Variants in IGDCC4 observed in about 807,000 individuals in gnomAD.
IGDCC4 encodes immunoglobulin superfamily DCC subclass member 4.
IGDCC4 carries 72 observed loss-of-function variants against 116.6 expected under a neutral mutation model. That is an observed-to-expected ratio of 0.62 (90% CI 0.51 to 0.75). The LOEUF is 0.75. Ranked by LOEUF, IGDCC4 falls within the 30% of genes least tolerant of loss-of-function variation. IGDCC4 has a pLI of 0.00. For missense variants in IGDCC4, 1,501 were observed against 1,662.4 expected (o/e 0.90, Z 1.69); for synonymous variants, 709 against 719.9 (o/e 0.98, Z 0.24).
intron 5 of IGDCC4, among the ~76,000 whole-genome samples, chr15:65,400,083 C>G (rs1233780211): frequency 6.6e-6 from 1 of 152,204 alleles, no homozygotes; most frequent in African/African-American, 2.4e-5. Context: ...TCTGGCCCCT[C>G]CTCTCCCCAG....
Position 65,389,384 on chromosome 15 carries a change from G to A in IGDCC4, c.2436C>T (p.Gly812=). 6.2e-7 allele frequency: 1 copy of A among 1,614,202 alleles called. No individual in the cohort carries two copies. The highest frequency in any genetic ancestry group is 8.5e-7 in the Non-Finnish European group (1 of 1,180,022). Residue 812 remains glycine, a synonymous_variant, in exon 14 of 20, where the codon GGC becomes GGT. Coordinates refer to ENST00000352385, the MANE Select transcript of IGDCC4 (RefSeq NM_020962.3). ...ACTCGTATTTGGTGAATGGCTTCAAGCCGCCAATGAGGATGTCTTCTCCAG... is the reference window on the plus strand; with the variant it reads ...ACTCGTATTTGGTGAATGGCTTCAAACCGCCAATGAGGATGTCTTCTCCAG... ...TSSGEDILIG[G]LKPFTKYEFA...
At position 65,390,290 on chromosome 15, in the gene IGDCC4, G is replaced by T; in HGVS notation, c.2273C>A (p.Ala758Glu). 1 of 1,612,192 alleles carries T rather than the reference G, an allele frequency of 6.2e-7. No homozygotes were observed. ...GATGGATGTGGAGCTGTTTGATTCCGCATGGACGTGGGCTGGAGGCAGGGG... is the reference window on the plus strand; with the variant it reads ...GATGGATGTGGAGCTGTTTGATTCCTCATGGACGTGGGCTGGAGGCAGGGG... ...GPPLPPAHVHAESNSSTSIWL... is the reference protein window; with the variant it reads ...GPPLPPAHVHEESNSSTSIWL... Residue 758 changes from alanine to glutamate, a missense_variant, in exon 13 of 20, where the codon GCG becomes GAG. Ala to Glu is a moderately radical substitution (Grantham distance 107). Around this residue, in one of 3 missense-constraint regions of IGDCC4, gnomAD observed 235 missense variants for 328.0 expected, o/e 0.72. Coordinates refer to ENST00000352385, the MANE Select transcript of IGDCC4 (RefSeq NM_020962.3).
Position 65,390,177 on chromosome 15 carries a change from A to G in IGDCC4, c.2386T>C (p.Ser796Pro), listed in dbSNP as rs761352750. Residue 796 changes from serine (S) to proline (P), a missense_variant, in exon 13 of 20, where the codon TCC (serine) becomes CCC (proline). This residue lies in a region of IGDCC4 where 235 missense variants were observed against 328.0 expected (regional missense o/e 0.72). Coordinates refer to ENST00000352385, the MANE Select transcript of IGDCC4 (RefSeq NM_020962.3). ...CACCTGGTGTAATAGGTGACCAGGGAGGCATTCCTGAGCCCCCAGGGGCTG... is the reference window on the plus strand; with the variant it reads ...CACCTGGTGTAATAGGTGACCAGGGGGGCATTCCTGAGCCCCCAGGGGCTG... ...RFSPWGLRNASLVTYYTSSGE... is the reference protein window; with the variant it reads ...RFSPWGLRNAPLVTYYTSSGE... 1.3e-6 allele frequency: 2 copies of G among 1,592,176 alleles called. No homozygotes were observed.
chr15:65,396,958 G>A lies in IGDCC4; in HGVS notation c.873C>T (p.Val291=). ...CAATTAGTAGGTTGGTGCGGCCCAG[G>A]ACGATGACATCTGTGGAGATGGGCT... ...DGKPISTDVI[V]LGRTNLLIAN... The change falls in exon 6 of 20, where the codon GTC becomes GTT. Residue 291 remains valine, a synonymous_variant. Coordinates refer to ENST00000352385, the MANE Select transcript of IGDCC4 (RefSeq NM_020962.3). The A allele has an allele frequency of 6.3e-7, 1 of 1,580,370 alleles. No homozygotes were observed. Among genetic ancestry groups the A allele is most frequent in the Non-Finnish European group, 8.6e-7 (1 of 1,162,854 alleles).
At chr15:65,422,763 G>A in intron 1 of IGDCC4, 30 bp downstream of exon 1, 4 of 1,328,620 alleles carry the variant, frequency 3.0e-6, no homozygotes, top group Admixed American at 3.7e-5. Flanking sequence ...CTCCGCAGTC[G>A]CTCCTGCCTC....
chr15:65,392,459 C>T (rs546970441), intron 10 of IGDCC4, 89 bp from the exon 11 acceptor site: 10 of 1,022,590 alleles, frequency 9.8e-6, no homozygotes, highest in Non-Finnish European at 1.4e-5. Context: ...AGGGAAGAGG[C>T]ATGAGGAAGA....
In IGDCC4 at chr15:65,408,016, G is replaced by A. The variant is rs138788370; in HGVS notation, c.563+2162C>T. On this transcript the variant is annotated intron_variant, in intron 3 of 19. Transcript: ENST00000352385. ...ACTCCTGAGCTCAAGCGATCCGCCC[G>A]CCTTGGCTCCCAAAGTGTTGGGAGT... is the stretch of plus-strand genomic sequence containing the variant. Among the ~76,000 whole-genome samples the A allele has an allele frequency of 6.7e-3, 1,014 of 151,714 alleles. 11 individuals are homozygous for A. Among genetic ancestry groups the A allele is most frequent in the African/African-American group, 0.023 (967 of 41,344 alleles).
chr15:65,394,951 G>T, intron 8 of IGDCC4, 143 bp downstream of exon 8: 2 of 909,024 alleles, frequency 2.2e-6, no homozygotes, highest in Non-Finnish European at 3.2e-6. Context: ...CTGAGGAGAA[G>T]AACCCCGCCC....
chr15:65,408,765 A>G (rs1216593194), intron 3 of IGDCC4, among the ~76,000 whole-genome samples: 3 of 151,764 alleles, frequency 2.0e-5, no homozygotes, highest in Non-Finnish European at 4.4e-5. Context: ...GAAGGAGAAT[A>G]GACTGGGTGA....
chr15:65,408,667 A>G (rs924748042), intron 3 of IGDCC4, among the ~76,000 whole-genome samples: 2 of 152,220 alleles, frequency 1.3e-5, no homozygotes, highest in Non-Finnish European at 2.9e-5. Flanking sequence ...AAGCATTTAA[A>G]GGGACTAACA....
intron 1 of IGDCC4, among the ~76,000 whole-genome samples, chr15:65,421,966 G>C (rs941541085): frequency 2.0e-5 from 3 of 152,014 alleles, no homozygotes; most frequent in South Asian, 4.1e-4. Flanking sequence ...CTCCGCACTG[G>C]GCTGCGGACT....
At chr15:65,388,411 G>A in intron 16 of IGDCC4, 38 bp downstream of exon 16, 2 of 1,612,748 alleles carry the variant, frequency 1.2e-6, no homozygotes, top group East Asian at 2.2e-5. Flanking sequence ...GGGCTTGGAA[G>A]TCAATCCAGG....
At chr15:65,396,256 CCCTCGCTCCCCT>C in intron 6 of IGDCC4, 93 bp from the exon 7 acceptor site, 1 of 1,307,068 alleles carries the variant, frequency 7.7e-7, no homozygotes, top group Non-Finnish European at 1.0e-6. Flanking sequence ...CCACCGCCCT[CCCTCGCTCCCCT>C]TCCAATCACT....
chr15:65,422,737 C>A (rs1347917849), intron 1 of IGDCC4, 56 bp downstream of exon 1: 1 of 1,274,100 alleles, frequency 7.8e-7, no homozygotes, highest in South Asian at 1.9e-5. Context: ...CAGACCAGGG[C>A]GCGGGCGCAC....
Position 65,389,352 on chromosome 15 carries a change from A to G in IGDCC4, c.2468T>C (p.Val823Ala), listed in dbSNP as rs2091491218. The G allele has an allele frequency of 6.2e-7, 1 of 1,614,192 alleles. No individual in the cohort carries two copies. Among genetic ancestry groups the G allele is most frequent in the Non-Finnish European group, 8.5e-7 (1 of 1,180,030 alleles). Residue 823 changes from valine to alanine, a missense_variant, in exon 14 of 20, where the codon GTG (valine) becomes GCG (alanine). Transcript: ENST00000352385. Reference protein sequence around the residue: ...LKPFTKYEFAVQSHGVDMDGP... With the variant: ...LKPFTKYEFAAQSHGVDMDGP... ...ATCCATGTCCACGCCGTGAGACTGC[A>G]CTGCAAACTCGTATTTGGTGAATGG...
intron 4 of IGDCC4, 134 bp downstream of exon 4, chr15:65,402,217 C>A: frequency 9.4e-7 from 1 of 1,068,482 alleles, no homozygotes; most frequent in African/African-American, 1.6e-5. Context: ...TGGGCTTCAT[C>A]GCCTCACCAG....
intron 1 of IGDCC4, among the ~76,000 whole-genome samples, chr15:65,413,651 C>A (rs2063118292): frequency 6.6e-6 from 1 of 152,234 alleles, no homozygotes. Flanking sequence ...TATAAAAGCT[C>A]AATGGCCCAA....
Position 65,400,958 on chromosome 15 carries a change from A to G in IGDCC4, c.701-12T>C, listed in dbSNP as rs780732790. On this transcript the variant is annotated splice_polypyrimidine_tract_variant and intron_variant, in intron 4 of 19. Coordinates refer to ENST00000352385, the MANE Select transcript of IGDCC4 (RefSeq NM_020962.3). ...GGACGCCAGGGACCCTGGCGAGAAG[A>G]CAGACCAGCAGGCAGCCTTACCATT... The G allele has an allele frequency of 6.2e-7, 1 of 1,614,030 alleles. No individual in the cohort carries two copies. The highest frequency in any genetic ancestry group is 8.5e-7 in the Non-Finnish European group (1 of 1,180,010).
At chr15:65,406,272 T>C (rs570995506) in intron 3 of IGDCC4, among the ~76,000 whole-genome samples, 1 of 152,370 alleles carries the variant, frequency 6.6e-6, no homozygotes, top group Middle Eastern at 3.4e-3. Flanking sequence ...CCTTTTAAAA[T>C]GTGTTCAAGT....
Sources: allele counts gnomAD v4.1 joint callset (sites outside exome capture counted in the v4.1 genomes callset), GRCh38; gene constraint gnomAD v4.1.1; regional missense constraint gnomAD v4.1.1; transcripts MANE v1.5; gene names NCBI Gene and HGNC (gene_info 2026-07-23, HGNC 2026-07-21).